The following ERCC6L2 variants were observed in gnomAD, a reference collection of about 807,000 sequenced individuals.
ERCC6L2 encodes the protein DNA excision repair protein ERCC-6-like 2.
In ERCC6L2, 77 loss-of-function variants were observed where a neutral mutation model predicts 132.0. The observed-to-expected ratio is 0.58, with a 90% CI of 0.49 to 0.71. The LOEUF (loss-of-function observed/expected upper bound fraction) is 0.71. ERCC6L2 is among the 30% of genes least tolerant of loss of function. ERCC6L2 has a pLI of 0.00. For missense variants in ERCC6L2, 1,542 were observed against 1,837.6 expected (o/e 0.84, Z 2.94); for synonymous variants, 583 against 632.4 (o/e 0.92, Z 1.17).
At chr9:95,953,761 GAACAT>G (rs1475319022) in intron 12 of ERCC6L2, among the ~76,000 whole-genome samples, 1 of 151,700 alleles carries the variant, frequency 6.6e-6, no homozygotes, top group Non-Finnish European at 1.5e-5. Context: ...ATAAAAATAA[GAACAT>G]AATATAAATT....
intron 9 of ERCC6L2, among the ~76,000 whole-genome samples, chr9:95,925,882 T>G (rs1830078817): frequency 6.6e-6 from 1 of 152,026 alleles, no homozygotes; most frequent in Admixed American, 6.6e-5. Context: ...CTCTTAAAGC[T>G]CAACAATGGG....
chr9:95,897,710 A>G (rs1051155783), intron 2 of ERCC6L2, 139 bp from the exon 3 acceptor site: 2 of 840,172 alleles, frequency 2.4e-6, no homozygotes, highest in African/African-American at 3.5e-5. Context: ...GAAAATCAGT[A>G]CTAATATTTC....
intron 16 of ERCC6L2, 34 bp downstream of exon 16, chr9:95,973,122 G>T (rs547464196): frequency 8.1e-7 from 1 of 1,231,970 alleles, no homozygotes; most frequent in African/African-American, 1.6e-5. Context: ...ACTTTAAAAA[G>T]TATATTTGTT....
intron 11 of ERCC6L2, among the ~76,000 whole-genome samples, chr9:95,935,097 T>A (rs1830498963): frequency 6.6e-6 from 1 of 152,166 alleles, no homozygotes; most frequent in Non-Finnish European, 1.5e-5. Context: ...AATAAGAGAA[T>A]TTTTGCCTTT....
intron 6 of ERCC6L2, chr9:95,918,369 G>A (rs1340993214): frequency 8.3e-6 from 3 of 362,156 alleles, no homozygotes. Context: ...TAATCTGGGT[G>A]CACAGATTTT....
intron 17 of ERCC6L2, among the ~76,000 whole-genome samples, chr9:96,000,613 T>C (rs1273803085): frequency 6.6e-6 from 1 of 152,158 alleles, no homozygotes; most frequent in Non-Finnish European, 1.5e-5. Flanking sequence ...TCATTGAATG[T>C]ATCACCGCTT....
chr9:95,929,468 T>C (rs1830243541), intron 11 of ERCC6L2, among the ~76,000 whole-genome samples: 1 of 152,228 alleles, frequency 6.6e-6, no homozygotes, highest in South Asian at 2.1e-4. Context: ...GATCAATAAC[T>C]TTTGACATCC....
intron 12 of ERCC6L2, among the ~76,000 whole-genome samples, chr9:95,951,584 T>C (rs907714495): frequency 7.2e-5 from 11 of 151,970 alleles, no homozygotes; most frequent in African/African-American, 2.7e-4. Flanking sequence ...GAAAGAAGAC[T>C]CAAATAATTA....
chr9:95,927,203 A>G (rs927037875), intron 9 of ERCC6L2, among the ~76,000 whole-genome samples: 2 of 152,178 alleles, frequency 1.3e-5, no homozygotes, highest in Admixed American at 6.6e-5. Flanking sequence ...TTGAGGGACT[A>G]GGGGGAGGTA....
At chr9:96,026,677 CCA>C (rs1372287997) in intron 19 of ERCC6L2, among the ~76,000 whole-genome samples, 5 of 146,432 alleles carry the variant, frequency 3.4e-5, no homozygotes, top group Admixed American at 2.0e-4. Context: ...ACACAGCACA[CCA>C]CACACACCAC....
intron 5 of ERCC6L2, 142 bp from the exon 6 acceptor site, chr9:95,916,085 C>G: frequency 1.2e-6 from 1 of 849,642 alleles, no homozygotes; most frequent in Non-Finnish European, 1.8e-6. Context: ...CTGAAACTGT[C>G]GTAAAGAAAG....
rs1444040632 is a variant in ERCC6L2, at chr9:96,014,848, TG to T, written c.*1646del. Among the ~76,000 whole-genome samples the T allele has an allele frequency of 2.0e-5, 3 of 152,056 alleles. No individual in the cohort carries two copies. Among genetic ancestry groups the T allele is most frequent in the African/African-American group, 7.2e-5 (3 of 41,404 alleles). ...GATATGGTCCTTGATAGACTTGACT[TG>T]TAGATGTTTTCAGCCTACAATGTGA... On this transcript the variant is annotated 3_prime_UTR_variant, in exon 19 of 19. Transcript: ENST00000653738.
Position 95,972,286 on chromosome 9 carries a change from T to C in ERCC6L2, c.2535T>C (p.Thr845=). The C allele has an allele frequency of 1.5e-6, 2 of 1,297,928 alleles. No individual in the cohort carries two copies. The highest frequency in any genetic ancestry group is 1.0e-6 in the Non-Finnish European group (1 of 987,118). 80.4% of individuals were successfully genotyped at this position (1,297,928 alleles called of 1,614,324 possible). Reference sequence around the variant, plus strand: ...AGAAAAATCAGGACTCTCTTGGTACTTCAAAACATCAGAAATTAGATAACA... The same window carrying C: ...AGAAAAATCAGGACTCTCTTGGTACCTCAAAACATCAGAAATTAGATAACA... ...GCEKNQDSLG[T]SKHQKLDNIL... is the part of the protein sequence containing the mutation. Residue 845 remains threonine, a synonymous_variant, in exon 16 of 19, where the codon ACT becomes ACC. Transcript: ENST00000653738.
chr9:96,028,570 T>C (rs1834412883), intron 19 of ERCC6L2, among the ~76,000 whole-genome samples: 1 of 152,176 alleles, frequency 6.6e-6, no homozygotes, highest in South Asian at 2.1e-4. Context: ...AGAGAGGTTG[T>C]CCTCGAGTTC....
At chr9:95,916,555 GA>G (rs55856345) in intron 6 of ERCC6L2, 121 bp downstream of exon 6, 9 of 746,168 alleles carry the variant, frequency 1.2e-5, no homozygotes, top group African/African-American at 1.1e-4. Flanking sequence ...ATTCTGTATG[GA>G]AAAAATTGTT....
chr9:95,937,396 T>C (rs531833145), intron 11 of ERCC6L2, among the ~76,000 whole-genome samples: 1 of 152,276 alleles, frequency 6.6e-6, no homozygotes, highest in South Asian at 2.1e-4. Flanking sequence ...CATCTTTTCA[T>C]GTGCTTCTTG....
chr9:95,941,468 G>C lies in ERCC6L2; in HGVS notation c.1766G>C (p.Gly589Ala). ...CLVSTMAGGLGLNFVGANVVV... is the reference protein window; with the variant it reads ...CLVSTMAGGLALNFVGANVVV... ...CTTTCCTCCAGGGCTGGTGGACTAG[G>C]CCTCAATTTTGTCGGTGCCAATGTT... is the stretch of plus-strand genomic sequence containing the variant. Residue 589 changes from glycine to alanine, a missense_variant, in exon 12 of 19, where the codon GGC (glycine) becomes GCC (alanine). By Grantham distance (60) the Gly-to-Ala change is moderately conservative (BLOSUM62 0). Around this residue, in one of 4 missense-constraint regions of ERCC6L2, gnomAD observed 945 missense variants for 1,105.2 expected, o/e 0.86. Coordinates refer to ENST00000653738, the MANE Select transcript of ERCC6L2 (RefSeq NM_020207.7). 2 of 1,612,214 alleles carry C rather than the reference G, an allele frequency of 1.2e-6. No homozygotes were observed. The highest frequency in any genetic ancestry group is 1.7e-6 in the Non-Finnish European group (2 of 1,179,048).
At chr9:96,028,030 G>C (rs1834406200) in intron 19 of ERCC6L2, 1 of 152,232 alleles carries the variant, frequency 6.6e-6, no homozygotes, top group Non-Finnish European at 1.5e-5. Flanking sequence ...TCCGTCATCT[G>C]GGCATCCCAC....
At chr9:95,944,523 T>C (rs1830958036) in intron 12 of ERCC6L2, among the ~76,000 whole-genome samples, 1 of 152,230 alleles carries the variant, frequency 6.6e-6, no homozygotes, top group African/African-American at 2.4e-5. Context: ...TAAATCGTTT[T>C]GTATGTTTTG....
Sources: gnomAD v4.1 joint callset for allele counts (sites outside exome capture counted in the v4.1 genomes callset) on GRCh38, gnomAD v4.1.1 for gene constraint, gnomAD v4.1.1 regional missense constraint, MANE v1.5 for transcripts, NCBI Gene and HGNC (gene_info 2026-07-23, HGNC 2026-07-21) for gene names.